RGS7BP: variants seen among roughly 807,000 people sequenced by gnomAD.
The protein encoded by RGS7BP is regulator of G protein signaling 7-binding protein.
Under a neutral mutation model 31.3 loss-of-function variants are expected in RGS7BP, and 9 were observed. The ratio of observed to expected loss-of-function variants is 0.29; its 90% CI spans 0.17 to 0.50. The LOEUF (loss-of-function observed/expected upper bound fraction) is 0.50. Among genes scored for constraint, RGS7BP ranks in the 20% least tolerant of loss-of-function variants. The pLI is 0.98. For synonymous variants in RGS7BP, 115 were observed against 120.1 expected (o/e 0.96, Z 0.28); for missense variants, 274 against 322.0 (o/e 0.85, Z 1.14).
In RGS7BP at chr5:64,506,839, G is replaced by C. The variant is rs758179792; in HGVS notation, c.165+50G>C. ...TTTTTTTTTTTAATTGAGAGGGGGT[G>C]GGGGGAGTCATGTATGTTAATCATT... On this transcript the variant is annotated intron_variant, in intron 1 of 5. Coordinates refer to ENST00000334025, the MANE Select transcript of RGS7BP (RefSeq NM_001029875.3). The surrounding 1 kb of genome is among the most constrained non-coding windows in gnomAD (Gnocchi z 4.6). 1.3e-6 allele frequency: 2 copies of C among 1,505,474 alleles called. No individual in the cohort carries two copies. Among genetic ancestry groups the C allele is most frequent in the Admixed American group, 4.1e-5 (2 of 48,326 alleles). The allele number at this position is 1,505,474 out of a possible 1,614,324, so 93.3% of individuals were successfully genotyped here.
intron 2 of RGS7BP, among the ~76,000 whole-genome samples, chr5:64,553,964 A>C (rs1741859246): frequency 6.6e-6 from 1 of 152,170 alleles, no homozygotes; most frequent in Admixed American, 6.6e-5. Context: ...GACTCCATTA[A>C]AAAGGGGCTT....
rs1215733488 is a variant in RGS7BP, at chr5:64,532,154, A to G, written c.332+24277A>G. Among the ~76,000 whole-genome samples, 5 of 152,232 alleles carry G rather than the reference A, an allele frequency of 3.3e-5. No homozygotes were observed. The East Asian group carries it at 9.6e-4, about 29-fold the overall frequency. On this transcript the variant is annotated intron_variant, in intron 2 of 5. Transcript: ENST00000334025. The stretch of plus-strand genomic sequence containing the variant: ...AAAAGAAGGTGCTCACCAAAGACAG[A>G]TTTATACTTAAAGTTGGACTAATTT...
At chr5:64,599,534 G>C (rs1040888864) in intron 5 of RGS7BP, among the ~76,000 whole-genome samples, 10 of 152,166 alleles carry the variant, frequency 6.6e-5, no homozygotes, top group African/African-American at 2.4e-4. Context: ...GAGCTACACA[G>C]GGGTGGAGGT....
intron 2 of RGS7BP, among the ~76,000 whole-genome samples, chr5:64,511,431 G>A (rs1228010565): frequency 6.6e-6 from 1 of 152,176 alleles, no homozygotes; most frequent in Non-Finnish European, 1.5e-5. Flanking sequence ...AAAGCTAAGA[G>A]GGGCCTTAAA....
chr5:64,577,313 G>A (rs1742461760), intron 3 of RGS7BP, among the ~76,000 whole-genome samples: 1 of 151,872 alleles, frequency 6.6e-6, no homozygotes, highest in Non-Finnish European at 1.5e-5. Flanking sequence ...TTGGTGGGGG[G>A]CGCCTGTAAT....
At chr5:64,507,681 T>A (rs1748733119) in intron 1 of RGS7BP, 30 bp from the exon 2 acceptor site, 1 of 1,296,190 alleles carries the variant, frequency 7.7e-7, no homozygotes, top group South Asian at 1.5e-5. Context: ...AAATGTTTGG[T>A]AAAAAAAAAA....
At chr5:64,524,591 A>T (rs1225338331) in intron 2 of RGS7BP, among the ~76,000 whole-genome samples, 1 of 152,196 alleles carries the variant, frequency 6.6e-6, no homozygotes, top group Admixed American at 6.5e-5. Flanking sequence ...CATCACTATT[A>T]TATTGCTAAT....
intron 3 of RGS7BP, 108 bp downstream of exon 3, chr5:64,576,012 C>A: frequency 2.1e-6 from 2 of 942,358 alleles, no homozygotes; most frequent in Non-Finnish European, 3.1e-6. Flanking sequence ...TATGCAATTA[C>A]GATGAATTTA....
chr5:64,548,176 A>G (rs1580419397), intron 2 of RGS7BP, among the ~76,000 whole-genome samples: 1 of 152,150 alleles, frequency 6.6e-6, no homozygotes, highest in Non-Finnish European at 1.5e-5. Flanking sequence ...AATATTGTCA[A>G]TATCATCAAA....
chr5:64,567,123 G>T (rs1334907217), intron 2 of RGS7BP, among the ~76,000 whole-genome samples: 1 of 151,634 alleles, frequency 6.6e-6, no homozygotes, highest in African/African-American at 2.4e-5. Context: ...GAACAAGCAT[G>T]CACAGCTACT....
At chr5:64,605,764 A>T (rs983276930) in intron 5 of RGS7BP, among the ~76,000 whole-genome samples, 3 of 151,852 alleles carry the variant, frequency 2.0e-5, no homozygotes, top group African/African-American at 7.3e-5. Flanking sequence ...AGGCAGCCTG[A>T]CCTTTCTTCA....
chr5:64,569,062 T>C (rs1241919577), intron 2 of RGS7BP, among the ~76,000 whole-genome samples: 5 of 152,078 alleles, frequency 3.3e-5, no homozygotes, highest in Admixed American at 3.3e-4. Flanking sequence ...CAAAAGAAAA[T>C]TCCATTGCAC....
rs1034888928 is a variant in RGS7BP at position 64,506,050 on chromosome 5, G to C, written c.-575G>C. On this transcript the variant is annotated 5_prime_UTR_variant, in exon 1 of 6. Transcript: ENST00000334025. This position sits in a 1 kb window ranked among gnomAD's most constrained non-coding sequence, Gnocchi z 4.6. ...CAGATTCATCTGGGATCTTCAAACA[G>C]ACAAGCCCTTAGAGACGAGGGATCA... 6.6e-6 allele frequency among the ~76,000 whole-genome samples: 1 copy of C among 152,134 alleles called. No homozygotes were observed. Among genetic ancestry groups the C allele is most frequent in the Admixed American group, 6.5e-5 (1 of 15,276 alleles).
Position 64,506,808 on chromosome 5 carries a change from T to A in RGS7BP, c.165+19T>A. ...CAAGATGGTGGGTGAAAACTGCGCC[T>A]CTTTTTTTTTTTTTTTAATTGAGAG... On this transcript the variant is annotated intron_variant, in intron 1 of 5. Transcript: ENST00000334025. This position sits in a 1 kb window ranked among gnomAD's most constrained non-coding sequence, Gnocchi z 4.6. 1 of 1,444,850 alleles carries A rather than the reference T, an allele frequency of 6.9e-7. No homozygotes were observed. The highest frequency in any genetic ancestry group is 1.5e-5 in the African/African-American group (1 of 65,996). 89.5% of individuals were successfully genotyped at this position (1,444,850 alleles called of 1,614,324 possible). A position where few individuals can be genotyped will look rare whatever the true frequency, so the allele number is the denominator to read the frequency against.
chr5:64,513,736 G>A (rs1395433836), intron 2 of RGS7BP, among the ~76,000 whole-genome samples: 4 of 152,208 alleles, frequency 2.6e-5, no homozygotes, highest in East Asian at 3.8e-4. Context: ...TGGTTGGCAG[G>A]CATGCCAGGC....
At chr5:64,560,543 GTATA>G (rs35400833) in intron 2 of RGS7BP, among the ~76,000 whole-genome samples, 2,099 of 147,238 alleles carry the variant, frequency 0.014, 58 homozygotes, top group African/African-American at 0.045. Flanking sequence ...TAATATCATT[GTATA>G]TATATATATA....
chr5:64,584,616 G>A (rs1742693450), intron 3 of RGS7BP, among the ~76,000 whole-genome samples: 1 of 152,198 alleles, frequency 6.6e-6, no homozygotes, highest in Non-Finnish European at 1.5e-5. Flanking sequence ...GGGGCTCTGT[G>A]CTTCTTACAC....
At chr5:64,543,642 T>C (rs1206663545) in intron 2 of RGS7BP, among the ~76,000 whole-genome samples, 2 of 152,230 alleles carry the variant, frequency 1.3e-5, no homozygotes, top group Non-Finnish European at 2.9e-5. Flanking sequence ...TTAAGTCCAA[T>C]GTCCAGGTAT....
intron 3 of RGS7BP, among the ~76,000 whole-genome samples, chr5:64,592,906 C>T (rs1742959188): frequency 6.6e-6 from 1 of 152,180 alleles, no homozygotes; most frequent in Admixed American, 6.6e-5. Flanking sequence ...AAGGCTGACC[C>T]TGCCTAGAGA....
Sources: allele counts gnomAD v4.1 joint callset (sites outside exome capture counted in the v4.1 genomes callset), GRCh38; gene constraint gnomAD v4.1.1; non-coding constraint Gnocchi (gnomAD v3.1); transcripts MANE v1.5; gene names NCBI Gene and HGNC (gene_info 2026-07-23, HGNC 2026-07-21).